CMSS1: variants seen among roughly 807,000 people sequenced by gnomAD.
The protein encoded by CMSS1 is cms1 ribosomal small subunit homolog, also known as protein CMSS1.
CMSS1 carries 33 observed loss-of-function variants against 43.5 expected under a neutral mutation model. The observed-to-expected ratio is 0.76, with a 90% CI of 0.57 to 1.01. The LOEUF is 1.01. CMSS1 is among the 50% of genes least tolerant of loss of function. CMSS1 has a pLI of 0.00. For missense variants in CMSS1, 313 were observed against 326.4 expected, an observed-to-expected ratio of 0.96 and a Z score of 0.32; for synonymous variants, 115 against 117.2, an observed-to-expected ratio of 0.98 and a Z score of 0.12.
chr3:99,928,189 G>T (rs1393680493), intron 1 of CMSS1, among the ~76,000 whole-genome samples: 4 of 152,200 alleles, frequency 2.6e-5, no homozygotes, highest in Non-Finnish European at 4.4e-5. Flanking sequence ...ATTTTCTTCA[G>T]CCCTGTGTAG....
intron 1 of CMSS1, among the ~76,000 whole-genome samples, chr3:100,122,135 G>A (rs565109989): frequency 4.6e-5 from 7 of 152,292 alleles, no homozygotes; most frequent in Admixed American, 1.3e-4. Flanking sequence ...GGAAACCAAG[G>A]GAAAAGTTTG....
chr3:100,075,504 C>T (rs914822041), intron 1 of CMSS1: 1 of 151,254 alleles, frequency 6.6e-6, no homozygotes, highest in Non-Finnish European at 1.5e-5. Context: ...AAGCTTTATT[C>T]GAAGCTTCGG....
intron 2 of CMSS1, among the ~76,000 whole-genome samples, chr3:100,152,021 T>C (rs1395476400): frequency 6.6e-6 from 1 of 152,118 alleles, no homozygotes; most frequent in Non-Finnish European, 1.5e-5. Flanking sequence ...TAACCTTTAT[T>C]GACATTTCTA....
intron 1 of CMSS1, among the ~76,000 whole-genome samples, chr3:100,144,120 A>G (rs1352191731): frequency 6.6e-6 from 1 of 151,964 alleles, no homozygotes; most frequent in Non-Finnish European, 1.5e-5. Flanking sequence ...CTTTTGTTTG[A>G]TCACTAATTT....
At chr3:100,171,633 C>T (rs909870026) in intron 6 of CMSS1, among the ~76,000 whole-genome samples, 1 of 152,168 alleles carries the variant, frequency 6.6e-6, no homozygotes, top group East Asian at 1.9e-4. Context: ...TAAAGCCAAC[C>T]CAGATATGTG....
chr3:99,842,300 A>G (rs1036565682), intron 1 of CMSS1, among the ~76,000 whole-genome samples: 31 of 152,174 alleles, frequency 2.0e-4, no homozygotes, highest in Non-Finnish European at 1.2e-4. Flanking sequence ...ACAGAGGCAT[A>G]AGAATGATAC....
In CMSS1 at chr3:99,849,819, G is replaced by C. The variant is rs759109740; in HGVS notation, c.64+31776G>C. The C allele has an allele frequency of 8.1e-6, 13 of 1,611,568 alleles. No individual in the cohort carries two copies. The highest frequency in any genetic ancestry group is 1.0e-5 in the Non-Finnish European group (12 of 1,179,640). Reference sequence around the variant, plus strand: ...GCTCCTTAATCTTATTGTTTTCTTGGTGTAATGCTGTTGTGGATTTCCCAG... The same window carrying C: ...GCTCCTTAATCTTATTGTTTTCTTGCTGTAATGCTGTTGTGGATTTCCCAG... On this transcript the variant is annotated intron_variant, in intron 1 of 9. Coordinates refer to ENST00000421999, the MANE Select transcript of CMSS1 (RefSeq NM_032359.4).
At chr3:100,157,645 G>A (rs71313590) in intron 2 of CMSS1, among the ~76,000 whole-genome samples, 9,580 of 152,240 alleles carry the variant, frequency 0.063, 362 homozygotes, top group Non-Finnish European at 0.071. Flanking sequence ...TGTAAGCATG[G>A]AATAGGGACA....
chr3:99,839,581 G>A (rs1943041237), intron 1 of CMSS1, among the ~76,000 whole-genome samples: 1 of 152,146 alleles, frequency 6.6e-6, no homozygotes, highest in African/African-American at 2.4e-5. Context: ...TAAAGCCAAG[G>A]TGGTTGGTTT....
intron 1 of CMSS1, chr3:100,040,724 A>G (rs1225945325): frequency 1.3e-5 from 2 of 152,194 alleles, no homozygotes; most frequent in Non-Finnish European, 2.9e-5. Context: ...GTCCTATGCC[A>G]AGAGGTTGTG....
chr3:99,930,434 A>G (rs1707440940), intron 1 of CMSS1, among the ~76,000 whole-genome samples: 1 of 152,162 alleles, frequency 6.6e-6, no homozygotes, highest in Non-Finnish European at 1.5e-5. Context: ...TTGGGGTACA[A>G]AAGCACCTAT....
intron 1 of CMSS1, among the ~76,000 whole-genome samples, chr3:100,059,402 C>T (rs971291950): frequency 2.0e-5 from 3 of 152,196 alleles, no homozygotes; most frequent in African/African-American, 7.2e-5. Flanking sequence ...GCCTCATCTC[C>T]GTGATCATCA....
At chr3:99,918,576 C>T (rs974586514) in intron 1 of CMSS1, among the ~76,000 whole-genome samples, 2 of 152,108 alleles carry the variant, frequency 1.3e-5, no homozygotes, top group Non-Finnish European at 2.9e-5. Flanking sequence ...TGAATTTTGA[C>T]CTCTGAAATT....
At chr3:100,082,886 A>G (rs1468382424) in intron 1 of CMSS1, among the ~76,000 whole-genome samples, 1 of 152,198 alleles carries the variant, frequency 6.6e-6, no homozygotes, top group African/African-American at 2.4e-5. Context: ...TTTTGTGAGA[A>G]TGGCCTATTG....
intron 1 of CMSS1, among the ~76,000 whole-genome samples, chr3:99,983,393 T>G (rs868687922): frequency 2.3e-5 from 2 of 87,058 alleles, no homozygotes; most frequent in African/African-American, 1.1e-4. Context: ...TAAATAAATA[T>G]ATATATATAT....
At chr3:100,074,353 G>A (rs2065812571) in intron 1 of CMSS1, among the ~76,000 whole-genome samples, 1 of 152,124 alleles carries the variant, frequency 6.6e-6, no homozygotes, top group Admixed American at 6.6e-5. Context: ...CAATGTTGTG[G>A]CTTTATTAAA....
intron 1 of CMSS1, among the ~76,000 whole-genome samples, chr3:99,909,893 C>G (rs1466863855): frequency 6.6e-6 from 1 of 151,982 alleles, no homozygotes; most frequent in Non-Finnish European, 1.5e-5. Flanking sequence ...TTGAGTGAAC[C>G]CTTCATATTC....
chr3:100,172,937 C>G (rs1197724866), intron 8 of CMSS1, among the ~76,000 whole-genome samples: 6 of 152,160 alleles, frequency 3.9e-5, no homozygotes, highest in Non-Finnish European at 7.3e-5. Context: ...AGCCTAAGAA[C>G]CTGCTAACCT....
chr3:100,016,835 A>G (rs1002521593), intron 1 of CMSS1, among the ~76,000 whole-genome samples: 1 of 152,238 alleles, frequency 6.6e-6, no homozygotes, highest in South Asian at 2.1e-4. Context: ...CTAGGAACAG[A>G]TGCAGATTTC....
Sources: allele counts gnomAD v4.1 joint callset (sites outside exome capture counted in the v4.1 genomes callset), GRCh38; gene constraint gnomAD v4.1.1; transcripts MANE v1.5; gene names NCBI Gene and HGNC (gene_info 2026-07-23, HGNC 2026-07-21).